FAXC: variants seen among roughly 807,000 people sequenced by gnomAD.
FAXC encodes the protein failed axon connections homolog.
A neutral mutation model predicts 41.9 loss-of-function variants in FAXC; 10 were observed. The observed-to-expected ratio is 0.24, with a 90% CI of 0.15 to 0.41. FAXC has a LOEUF of 0.41. FAXC is among the 10% of genes least tolerant of loss of function. FAXC has a pLI of 1.00. For missense variants in FAXC, 399 were observed against 510.9 expected, an observed-to-expected ratio of 0.78 and a Z score of 2.11; for synonymous variants, 183 against 183.8, an observed-to-expected ratio of 1.00 and a Z score of 0.03.
At chr6:99,333,675 G>A in intron 2 of FAXC, 128 bp from the exon 3 acceptor site, 1 of 763,068 alleles carries the variant, frequency 1.3e-6, no homozygotes, top group Middle Eastern at 3.9e-4. Flanking sequence ...AATGAACTCA[G>A]GGCATAAACT....
At chr6:99,285,004 C>T (rs1168819167) in intron 5 of FAXC, among the ~76,000 whole-genome samples, 1 of 137,394 alleles carries the variant, frequency 7.3e-6, no homozygotes, top group Non-Finnish European at 1.5e-5. Context: ...AATCGGATAA[C>T]AGTTTCATCT....
chr6:99,280,914 T>C lies in FAXC; in HGVS notation c.*250A>G. 4.8e-6 allele frequency: 2 copies of C among 417,696 alleles called. No individual in the cohort carries two copies. Among genetic ancestry groups the C allele is most frequent in the Non-Finnish European group, 4.4e-6 (1 of 229,660 alleles). 25.9% of individuals were successfully genotyped at this position (417,696 alleles called of 1,614,324 possible). On this transcript the variant is annotated 3_prime_UTR_variant, in exon 6 of 6. Coordinates refer to ENST00000389677, the MANE Select transcript of FAXC (RefSeq NM_032511.4). Reference sequence around the variant, plus strand: ...CACAATATTATTAATAGTTTTCTAATGAAAACAAAAATGGATTTCAGGAAC... The same window carrying C: ...CACAATATTATTAATAGTTTTCTAACGAAAACAAAAATGGATTTCAGGAAC...
At chr6:99,331,599 A>G (rs1166185023) in intron 3 of FAXC, among the ~76,000 whole-genome samples, 2 of 152,246 alleles carry the variant, frequency 1.3e-5, no homozygotes, top group African/African-American at 4.8e-5. Context: ...CTAAACCATT[A>G]TGGAAATCAA....
intron 4 of FAXC, among the ~76,000 whole-genome samples, chr6:99,299,652 C>T (rs896080286): frequency 6.6e-6 from 1 of 152,204 alleles, no homozygotes; most frequent in African/African-American, 2.4e-5. Flanking sequence ...GGTAATCTCA[C>T]TATCCAAGCA....
chr6:99,275,445 CTTTA>C lies in FAXC; in HGVS notation c.*5715_*5718del, dbSNP rs1354572119. 2 of 152,122 alleles carry C rather than the reference CTTTA, an allele frequency of 1.3e-5. No individual in the cohort carries two copies. Among genetic ancestry groups the C allele is most frequent in the African/African-American group, 2.4e-5 (1 of 41,444 alleles). 9.4% of individuals were successfully genotyped at this position (152,122 alleles called of 1,614,324 possible). A position where few individuals can be genotyped will look rare whatever the true frequency, so the allele number is the denominator to read the frequency against. On this transcript the variant is annotated 3_prime_UTR_variant, in exon 6 of 6. Transcript: ENST00000389677. ...TTCGTTTTATTATTGCAATGGTCCC[CTTTA>C]TTTGTCTACCAATTTTACAATTTAA...
intron 3 of FAXC, among the ~76,000 whole-genome samples, chr6:99,328,886 G>T (rs898256313): frequency 6.6e-6 from 1 of 152,158 alleles, no homozygotes; most frequent in African/African-American, 2.4e-5. Flanking sequence ...CAGAAATAAT[G>T]AATTATTGAT....
At chr6:99,292,445 C>T (rs528423352) in intron 4 of FAXC, among the ~76,000 whole-genome samples, 1 of 152,278 alleles carries the variant, frequency 6.6e-6, no homozygotes, top group South Asian at 2.1e-4. Flanking sequence ...CACTACTGCT[C>T]CCATCTCTCC....
intron 4 of FAXC, among the ~76,000 whole-genome samples, chr6:99,302,569 T>C (rs1282893449): frequency 6.6e-6 from 1 of 152,004 alleles, no homozygotes; most frequent in Non-Finnish European, 1.5e-5. Flanking sequence ...GGCAGGAGAA[T>C]CACTTGAACC....
intron 3 of FAXC, among the ~76,000 whole-genome samples, chr6:99,327,686 T>C (rs1283133502): frequency 6.6e-6 from 1 of 152,142 alleles, no homozygotes; most frequent in African/African-American, 2.4e-5. Flanking sequence ...CTGATATCCA[T>C]GGATACTATG....
chr6:99,315,048 A>G (rs908750259), intron 4 of FAXC, among the ~76,000 whole-genome samples: 1 of 151,862 alleles, frequency 6.6e-6, no homozygotes, highest in Non-Finnish European at 1.5e-5. Context: ...AGCCTGGCCA[A>G]CATGGTGAAA....
chr6:99,328,653 C>T (rs747826670), intron 3 of FAXC, among the ~76,000 whole-genome samples: 23 of 152,232 alleles, frequency 1.5e-4, no homozygotes, highest in Non-Finnish European at 2.8e-4. Context: ...CCAGCCCCTT[C>T]ATCTGCCACT....
intron 2 of FAXC, among the ~76,000 whole-genome samples, chr6:99,336,603 C>T (rs1173140773): frequency 6.6e-6 from 1 of 152,192 alleles, no homozygotes; most frequent in Non-Finnish European, 1.5e-5. Context: ...GATGCAGCCA[C>T]ACATATACTA....
At chr6:99,328,943 G>A (rs555103445) in intron 3 of FAXC, among the ~76,000 whole-genome samples, 3 of 152,312 alleles carry the variant, frequency 2.0e-5, no homozygotes, top group African/African-American at 7.2e-5. Context: ...GCTAAGTAGT[G>A]TTTCTAAGAG....
chr6:99,338,383 G>C (rs562513480), intron 2 of FAXC, among the ~76,000 whole-genome samples: 68 of 152,248 alleles, frequency 4.5e-4, no homozygotes, highest in African/African-American at 1.5e-3. Flanking sequence ...TCTAAAATGT[G>C]AACAAAGGCA....
chr6:99,345,884 A>G (rs1773573253), intron 1 of FAXC, among the ~76,000 whole-genome samples: 1 of 152,254 alleles, frequency 6.6e-6, no homozygotes, highest in Non-Finnish European at 1.5e-5. Context: ...GTGTTGGAAC[A>G]ATATTTATTT....
At chr6:99,312,269 G>A (rs1487870907) in intron 4 of FAXC, among the ~76,000 whole-genome samples, 1 of 152,204 alleles carries the variant, frequency 6.6e-6, no homozygotes, top group African/African-American at 2.4e-5. Flanking sequence ...AGCACCAGCT[G>A]CCTGGGAGCA....
chr6:99,343,108 C>A (rs1773480452), intron 1 of FAXC, 75 bp from the exon 2 acceptor site: 1 of 1,381,828 alleles, frequency 7.2e-7, no homozygotes, highest in Admixed American at 2.2e-5. Context: ...CTTGAGAGGA[C>A]CCTGCAGGGT....
chr6:99,306,555 A>C (rs1562163615), intron 4 of FAXC, among the ~76,000 whole-genome samples: 2 of 152,272 alleles, frequency 1.3e-5, no homozygotes, highest in South Asian at 4.2e-4. Context: ...TGCGGAGATA[A>C]ATATGTGGGA....
intron 5 of FAXC, among the ~76,000 whole-genome samples, chr6:99,290,451 T>C (rs547090743): frequency 9.2e-5 from 14 of 152,040 alleles, no homozygotes; most frequent in Admixed American, 7.2e-4. Context: ...CCTGTAATCC[T>C]AGCTCTTTGG....
Sources: gnomAD v4.1 joint callset for allele counts (sites outside exome capture counted in the v4.1 genomes callset) on GRCh38, gnomAD v4.1.1 for gene constraint, MANE v1.5 for transcripts, NCBI Gene and HGNC (gene_info 2026-07-23, HGNC 2026-07-21) for gene names.